Variants in DEUP1 observed in about 807,000 individuals in gnomAD.
DEUP1 encodes the protein deuterosome assembly protein 1, also known as coiled-coil domain containing 67.
DEUP1 carries 82 observed loss-of-function variants against 87.4 expected under a neutral mutation model. The ratio of observed to expected loss-of-function variants is 0.94; its 90% CI spans 0.78 to 1.13. The LOEUF (loss-of-function observed/expected upper bound fraction) is 1.13, where lower values mean the gene tolerates loss of function less well. DEUP1 is among the 50% of genes most tolerant of loss of function. The pLI is 0.00. For synonymous variants in DEUP1, 214 were observed against 222.7 expected, an observed-to-expected ratio of 0.96 and a Z score of 0.35; for missense variants, 663 against 681.5, an observed-to-expected ratio of 0.97 and a Z score of 0.30.
intron 2 of DEUP1, among the ~76,000 whole-genome samples, chr11:93,336,372 G>A (rs752945377): frequency 6.7e-6 from 1 of 150,100 alleles, no homozygotes; most frequent in Non-Finnish European, 1.5e-5. Flanking sequence ...ATTACAATTC[G>A]ACATGAGATT....
intron 4 of DEUP1, among the ~76,000 whole-genome samples, chr11:93,362,689 C>T (rs1372517112): frequency 1.3e-5 from 2 of 151,864 alleles, no homozygotes; most frequent in Non-Finnish European, 3.0e-5. Flanking sequence ...AACAATTCCA[C>T]TCCTAGGTAT....
chr11:93,373,633 A>ATATG (rs1565316453), intron 7 of DEUP1, among the ~76,000 whole-genome samples: 3 of 144,940 alleles, frequency 2.1e-5, no homozygotes, highest in Non-Finnish European at 4.5e-5. Flanking sequence ...ACGTATATAT[A>ATATG]TATATATATA....
In DEUP1 at chr11:93,332,052, A is replaced by G. The variant is rs116887547; in HGVS notation, c.-44-164A>G. On this transcript the variant is annotated intron_variant, in intron 1 of 13. Transcript: ENST00000298050. ...CTAGACTCCGTCTCAAAAAACAAAC[A>G]AAAAACCAAAACAGAAAACTCAGGT... 6.8e-4 allele frequency among the ~76,000 whole-genome samples: 104 copies of G among 152,346 alleles called. No homozygotes were observed. In the East Asian group the frequency reaches 0.019, roughly 28 times the overall value.
chr11:93,437,463 G>T, intron 13 of DEUP1, 80 bp from the exon 14 acceptor site: 2 of 1,066,484 alleles, frequency 1.9e-6, no homozygotes, highest in South Asian at 1.6e-5. Context: ...CAGTATGTCA[G>T]GGATGAAGCA....
intron 13 of DEUP1, among the ~76,000 whole-genome samples, chr11:93,417,226 G>C (rs10831035): frequency 0.83 from 119,925 of 144,392 alleles, 49,906 homozygotes; most frequent in East Asian, 0.91. Context: ...ATTAGGAAAA[G>C]AGGAAGTCAA....
chr11:93,394,713 A>T, intron 10 of DEUP1, 57 bp downstream of exon 10: 1 of 1,156,398 alleles, frequency 8.6e-7, no homozygotes. Context: ...CAGTGCCAAT[A>T]GTAGCCTTCA....
In DEUP1 at chr11:93,333,294, A is replaced by G. The variant is rs374716946; in HGVS notation, c.29+1006A>G. ...TGCGCTCACCCAAGATACACGGACC[A>G]GGATTGGTTTGGCAACTCTGCCATC... On this transcript the variant is annotated intron_variant, in intron 2 of 13. Coordinates refer to ENST00000298050, the MANE Select transcript of DEUP1 (RefSeq NM_181645.4). Among the ~76,000 whole-genome samples the G allele has an allele frequency of 8.9e-4, 136 of 152,334 alleles. 1 individual carries two copies. Among genetic ancestry groups the G allele is most frequent in the African/African-American group, 3.2e-3 (133 of 41,582 alleles).
At position 93,409,944 on chromosome 11, in the gene DEUP1, T is replaced by C. The variant is rs535523592; in HGVS notation, c.1523+1517T>C. ...AATAGACAAATGGCTGAATCTGACA[T>C]AGCCTCAAAGATAGTTCTGTGGGGG... On this transcript the variant is annotated intron_variant, in intron 12 of 13. Coordinates refer to ENST00000298050, the MANE Select transcript of DEUP1 (RefSeq NM_181645.4). Among the ~76,000 whole-genome samples the C allele has an allele frequency of 5.9e-5, 9 of 152,264 alleles. No individual in the cohort carries two copies. In the South Asian group the frequency reaches 1.9e-3, roughly 32 times the overall value.
At chr11:93,395,294 C>A (rs1311353481) in intron 10 of DEUP1, among the ~76,000 whole-genome samples, 1 of 152,256 alleles carries the variant, frequency 6.6e-6, no homozygotes, top group South Asian at 2.1e-4. Flanking sequence ...CTATTGAGAG[C>A]ACAGGGTTTA....
At position 93,363,291 on chromosome 11, in the gene DEUP1, A is replaced by T. The variant is rs536065341; in HGVS notation, c.298-869A>T. Among the ~76,000 whole-genome samples the T allele has an allele frequency of 2.0e-5, 3 of 152,000 alleles. No individual in the cohort carries two copies. In the East Asian group the frequency reaches 5.8e-4, roughly 29 times the overall value. ...TCTTTGTGGTGACAGAATAGTCTAT[A>T]TCTAGATTGTGGTTGTGGTCAGATA... is the stretch of plus-strand genomic sequence containing the variant. On this transcript the variant is annotated intron_variant, in intron 4 of 13. Coordinates refer to ENST00000298050, the MANE Select transcript of DEUP1 (RefSeq NM_181645.4).
chr11:93,427,578 G>A lies in DEUP1; in HGVS notation c.1639-9965G>A, dbSNP rs1478358289. Among the ~76,000 whole-genome samples, 8 of 151,406 alleles carry A rather than the reference G, an allele frequency of 5.3e-5. No individual in the cohort carries two copies. In the South Asian group the frequency reaches 1.3e-3, roughly 24 times the overall value. ...ACATAGGCATGGGCAAGGACTTCAT[G>A]TCTAAAACACCAAAAGCAATGGCAA... On this transcript the variant is annotated intron_variant, in intron 13 of 13. Transcript: ENST00000298050.
intron 13 of DEUP1, among the ~76,000 whole-genome samples, chr11:93,416,026 C>T (rs1296249758): frequency 6.6e-6 from 1 of 151,874 alleles, no homozygotes. Flanking sequence ...AATGGAATAC[C>T]GAGGTCATAG....
At chr11:93,355,249 C>T in intron 2 of DEUP1, 122 bp from the exon 3 acceptor site, 1 of 877,868 alleles carries the variant, frequency 1.1e-6, no homozygotes, top group Non-Finnish European at 1.7e-6. Flanking sequence ...GAACTTATTC[C>T]TATTTAAATA....
Position 93,394,555 on chromosome 11 carries a change from AAGG to A in DEUP1, c.1141_1143del (p.Glu381del), listed in dbSNP as rs1203087577. ...TGACCTAACAGAAGAGCTTCATCAGAAGGAGATCACTATAGCAACTGTCACAAA... is the reference window on the plus strand; with the variant it reads ...TGACCTAACAGAAGAGCTTCATCAGAAGATCACTATAGCAACTGTCACAAA... On this transcript the variant is annotated inframe_deletion, in exon 10 of 14. Transcript: ENST00000298050. The A allele has an allele frequency of 1.2e-6, 2 of 1,613,140 alleles. No homozygotes were observed. The highest frequency in any genetic ancestry group is 1.7e-6 in the Non-Finnish European group (2 of 1,179,484).
In DEUP1 at chr11:93,394,585, A is replaced by G; in HGVS notation, c.1168A>G (p.Lys390Glu). 6.2e-7 allele frequency: 1 copy of G among 1,613,256 alleles called. No individual in the cohort carries two copies. The change falls in exon 10 of 14, where the codon AAA (lysine) becomes GAA (glutamate). Residue 390 changes from lysine (K) to glutamate (E), a missense_variant. Lys to Glu is a moderately conservative substitution (Grantham distance 56, BLOSUM62 1). Coordinates refer to ENST00000298050, the MANE Select transcript of DEUP1 (RefSeq NM_181645.4). ...GATCACTATAGCAACTGTCACAAAGAAAGCTGCCCTTCTGGAAAAACAGTT... is the reference window on the plus strand; with the variant it reads ...GATCACTATAGCAACTGTCACAAAGGAAGCTGCCCTTCTGGAAAAACAGTT... ...KEITIATVTK[K>E]AALLEKQLKM...
intron 12 of DEUP1, among the ~76,000 whole-genome samples, chr11:93,414,081 A>C (rs1273698537): frequency 6.6e-6 from 1 of 152,202 alleles, no homozygotes; most frequent in Non-Finnish European, 1.5e-5. Context: ...ACCCTTTTAT[A>C]AGTGAGAAAA....
chr11:93,357,219 T>C (rs1944940599), intron 4 of DEUP1, 176 bp downstream of exon 4: 1 of 506,032 alleles, frequency 2.0e-6, no homozygotes, highest in Non-Finnish European at 3.5e-6. Flanking sequence ...TACTAGATTG[T>C]TGTCTTGCTA....
At chr11:93,409,577 T>C (rs1484336572) in intron 12 of DEUP1, among the ~76,000 whole-genome samples, 1 of 152,176 alleles carries the variant, frequency 6.6e-6, no homozygotes, top group Non-Finnish European at 1.5e-5. Context: ...ATTATTTCAT[T>C]TCATAGTGCC....
In DEUP1 at chr11:93,413,253, T is replaced by G. The variant is rs951114102; in HGVS notation, c.1524-1747T>G. ...ATGGTCTTTGATGATTTTTTTTTTT[T>G]TTTTTTGAGACGGAGTCTCTCTCTG... On this transcript the variant is annotated intron_variant, in intron 12 of 13. Transcript: ENST00000298050. 1.4e-3 allele frequency among the ~76,000 whole-genome samples: 218 copies of G among 151,370 alleles called. 1 individual carries two copies. Among genetic ancestry groups the G allele is most frequent in the Non-Finnish European group, 2.3e-3 (156 of 67,746 alleles).
Sources: gnomAD v4.1 joint callset for allele counts (sites outside exome capture counted in the v4.1 genomes callset) on GRCh38, gnomAD v4.1.1 for gene constraint, MANE v1.5 for transcripts, NCBI Gene and HGNC (gene_info 2026-07-23, HGNC 2026-07-21) for gene names.